The following MAP3K3 variants were observed in gnomAD, a reference collection of about 807,000 sequenced individuals.
The protein encoded by MAP3K3 is MAP/ERK kinase kinase 3.
A neutral mutation model predicts 80.9 loss-of-function variants in MAP3K3; 12 were observed. The observed-to-expected ratio is 0.15, with a 90% CI of 0.10 to 0.24. The LOEUF is 0.24. MAP3K3 is among the 10% of genes least tolerant of loss of function. The pLI is 1.00. For synonymous variants in MAP3K3, 272 were observed against 307.1 expected, an observed-to-expected ratio of 0.89 and a Z score of 1.19; for missense variants, 596 against 834.7, an observed-to-expected ratio of 0.71 and a Z score of 3.52.
At position 63,695,011 on chromosome 17, in the gene MAP3K3, C is replaced by T. The variant is rs2035663905; in HGVS notation, c.*1234C>T. 2 of 152,528 alleles carry T rather than the reference C, an allele frequency of 1.3e-5. No homozygotes were observed. Among genetic ancestry groups the T allele is most frequent in the African/African-American group, 4.8e-5 (2 of 41,368 alleles). The allele number at this position is 152,528 out of a possible 1,614,324, so 9.4% of individuals were successfully genotyped here. On this transcript the variant is annotated 3_prime_UTR_variant, in exon 16 of 16. Coordinates refer to ENST00000361733, the MANE Select transcript of MAP3K3 (RefSeq NM_002401.5). This position sits in a 1 kb window ranked among gnomAD's most constrained non-coding sequence, Gnocchi z 4.1. ...CCTGGGCGCTGGTCCTTTCTTCCGG[C>T]CCCTCCCCTCCAAAATGTGCCTATT... is the stretch of plus-strand genomic sequence containing the variant.
intron 2 of MAP3K3, 140 bp from the exon 3 acceptor site, chr17:63,645,894 T>C: frequency 1.5e-6 from 1 of 678,820 alleles, no homozygotes; most frequent in Non-Finnish European, 2.8e-6. Flanking sequence ...CCCATGCCCA[T>C]CTGGGAAGAG....
At chr17:63,660,372 CTT>C (rs796191998) in intron 5 of MAP3K3, among the ~76,000 whole-genome samples, 3 of 142,248 alleles carry the variant, frequency 2.1e-5, no homozygotes, top group Non-Finnish European at 4.7e-5. Context: ...CTTGGCTTTT[CTT>C]TTTTTTTTTT....
At chr17:63,649,431 C>CA (rs1264323299) in intron 3 of MAP3K3, among the ~76,000 whole-genome samples, 108 of 85,678 alleles carry the variant, frequency 1.3e-3, no homozygotes, top group East Asian at 1.5e-3. Context: ...GACTCCATCT[C>CA]AAAAAAAAAA....
At chr17:63,643,465 C>T (rs927323209) in intron 2 of MAP3K3, among the ~76,000 whole-genome samples, 7 of 151,990 alleles carry the variant, frequency 4.6e-5, no homozygotes, top group Admixed American at 1.3e-4. Context: ...GAGCCGTGAT[C>T]GTACCACTGC....
In MAP3K3 at chr17:63,691,249, A is replaced by G. The variant is rs1162887049; in HGVS notation, c.1344+16A>G. 1 of 1,613,946 alleles carries G rather than the reference A, an allele frequency of 6.2e-7. No individual in the cohort carries two copies. Among genetic ancestry groups the G allele is most frequent in the Non-Finnish European group, 8.5e-7 (1 of 1,179,982 alleles). On this transcript the variant is annotated intron_variant, in intron 13 of 15. Transcript: ENST00000361733. This position sits in a 1 kb window ranked among gnomAD's most constrained non-coding sequence, Gnocchi z 4.8. Reference sequence around the variant, plus strand: ...CATGCCAGGGGTACGTGCCCCTTGAATGCATGTGAGACACACACAAAAGAG... The same window carrying G: ...CATGCCAGGGGTACGTGCCCCTTGAGTGCATGTGAGACACACACAAAAGAG...
At chr17:63,682,374 T>G (rs2035357192) in intron 7 of MAP3K3, 1 of 152,378 alleles carries the variant, frequency 6.6e-6, no homozygotes, top group African/African-American at 2.4e-5. Flanking sequence ...GACAGTTGTA[T>G]TAGTTATCTA....
intron 6 of MAP3K3, among the ~76,000 whole-genome samples, chr17:63,670,364 C>G (rs1445234770): frequency 1.3e-5 from 2 of 152,028 alleles, no homozygotes; most frequent in South Asian, 2.1e-4. Flanking sequence ...GAGTGGATTG[C>G]TTGAGGCCAG....
At chr17:63,639,642 C>A (rs1033653628) in intron 2 of MAP3K3, among the ~76,000 whole-genome samples, 2 of 152,092 alleles carry the variant, frequency 1.3e-5, no homozygotes, top group African/African-American at 2.4e-5. Context: ...TGATTTCTCT[C>A]CCTGCATTTG....
chr17:63,656,912 C>T (rs749636744), intron 4 of MAP3K3, among the ~76,000 whole-genome samples: 11 of 151,948 alleles, frequency 7.2e-5, no homozygotes, highest in African/African-American at 9.7e-5. Context: ...ACAATCATGA[C>T]GGAAGGGAAA....
chr17:63,663,220 T>TG (rs1160722674), intron 5 of MAP3K3, among the ~76,000 whole-genome samples: 1 of 151,966 alleles, frequency 6.6e-6, no homozygotes, highest in Non-Finnish European at 1.5e-5. Flanking sequence ...TTACAATGCT[T>TG]GGCCAGGCGT....
rs1352881305 is a variant in MAP3K3 at position 63,652,646 on chromosome 17, T to G, written c.257T>G (p.Met86Arg). ...VFGQPLDLHY[M>R]NNELSILLKN... ...GGACAACCTCTTGATCTACATTACA[T>G]GAACAATGAGGTGAGAAGGCAGATG... The change falls in exon 4 of 16, where the codon ATG becomes AGG. Residue 86 changes from methionine to arginine, a missense_variant. Transcript: ENST00000361733. 2 of 1,611,534 alleles carry G rather than the reference T, an allele frequency of 1.2e-6. No individual in the cohort carries two copies. The highest frequency in any genetic ancestry group is 1.7e-6 in the Non-Finnish European group (2 of 1,177,712).
intron 6 of MAP3K3, among the ~76,000 whole-genome samples, chr17:63,669,975 A>G (rs556921186): frequency 1.3e-5 from 2 of 151,936 alleles, no homozygotes; most frequent in Admixed American, 6.6e-5. Context: ...TGGTGGTGCA[A>G]GCTTGTAGTC....
Position 63,693,852 on chromosome 17 carries a change from C to A in MAP3K3, c.*75C>A. ...GCTGCTGCTGGGCTCAGTGAAGTTG[C>A]TGCTTCTCCCAGGCAAGGCTGTGGA... On this transcript the variant is annotated 3_prime_UTR_variant, in exon 16 of 16. Transcript: ENST00000361733. The surrounding 1 kb of genome is among the most constrained non-coding windows in gnomAD (Gnocchi z 4.2). 1 of 1,323,360 alleles carries A rather than the reference C, an allele frequency of 7.6e-7. No individual in the cohort carries two copies. Among genetic ancestry groups the A allele is most frequent in the African/African-American group, 1.5e-5 (1 of 67,332 alleles). 82.0% of individuals were successfully genotyped at this position (1,323,360 alleles called of 1,614,324 possible).
intron 6 of MAP3K3, among the ~76,000 whole-genome samples, chr17:63,675,389 C>G (rs2035197371): frequency 6.6e-6 from 1 of 152,224 alleles, no homozygotes; most frequent in African/African-American, 2.4e-5. Context: ...TTAACACTGA[C>G]CCAAAGCCCT....
At chr17:63,634,713 AAC>A (rs2034286156) in intron 2 of MAP3K3, 1 of 1,612,252 alleles carries the variant, frequency 6.2e-7, no homozygotes, top group South Asian at 1.1e-5. Context: ...TTAAAGAAAA[AAC>A]ACAACAGCAG....
chr17:63,694,171 G>T lies in MAP3K3; in HGVS notation c.*394G>T. On this transcript the variant is annotated 3_prime_UTR_variant, in exon 16 of 16. Transcript: ENST00000361733. Reference sequence around the variant, plus strand: ...GAAGAGTGTTATTTTCATTCAAAGTGTTATTTTGTTTTTCCTTCCAATGTC... The same window carrying T: ...GAAGAGTGTTATTTTCATTCAAAGTTTTATTTTGTTTTTCCTTCCAATGTC... 6.1e-6 allele frequency: 1 copy of T among 164,560 alleles called. No homozygotes were observed. Among genetic ancestry groups the T allele is most frequent in the Middle Eastern group, 2.7e-3 (1 of 364 alleles). 10.2% of individuals were successfully genotyped at this position (164,560 alleles called of 1,614,324 possible).
chr17:63,646,190 A>T, intron 3 of MAP3K3, 116 bp downstream of exon 3: 1 of 882,200 alleles, frequency 1.1e-6, no homozygotes. Flanking sequence ...TGGCTGGGTA[A>T]TAGGGTGGAT....
intron 7 of MAP3K3, among the ~76,000 whole-genome samples, chr17:63,684,434 A>G (rs2035405599): frequency 1.3e-5 from 2 of 152,164 alleles, no homozygotes; most frequent in South Asian, 4.1e-4. Flanking sequence ...CTATATCCTT[A>G]GCAACATTTG....
intron 2 of MAP3K3, among the ~76,000 whole-genome samples, chr17:63,641,371 T>C (rs1344963275): frequency 6.6e-6 from 1 of 151,896 alleles, no homozygotes; most frequent in Non-Finnish European, 1.5e-5. Context: ...GCCTCCCGAA[T>C]AGCTGGGATT....
Sources: allele counts gnomAD v4.1 joint callset (sites outside exome capture counted in the v4.1 genomes callset), GRCh38; gene constraint gnomAD v4.1.1; non-coding constraint Gnocchi (gnomAD v3.1); transcripts MANE v1.5; gene names NCBI Gene and HGNC (gene_info 2026-07-23, HGNC 2026-07-21).